PRMT9: variants seen among roughly 807,000 people sequenced by gnomAD.
PRMT9 encodes the protein protein arginine N-methyltransferase 9.
Under a neutral mutation model 83.2 loss-of-function variants are expected in PRMT9, and 59 were observed. That is an observed-to-expected ratio of 0.71 (90% CI 0.57 to 0.88). The LOEUF (loss-of-function observed/expected upper bound fraction) is 0.88. PRMT9 is among the 40% of genes least tolerant of loss of function. The pLI, the probability that PRMT9 is intolerant of heterozygous loss-of-function variation, is 0.00. For missense variants in PRMT9, 947 were observed against 1,021.9 expected (o/e 0.93, Z 1.00); for synonymous variants, 333 against 353.2 (o/e 0.94, Z 0.64).
At chr4:147,679,373 G>A (rs1218058368) in intron 2 of PRMT9, among the ~76,000 whole-genome samples, 1 of 152,026 alleles carries the variant, frequency 6.6e-6, no homozygotes, top group African/African-American at 2.4e-5. Context: ...CAGAGCCTGG[G>A]AGGTCAAGGT....
chr4:147,638,569 T>A lies in PRMT9; in HGVS notation c.2501A>T (p.His834Leu). The A allele has an allele frequency of 1.2e-6, 2 of 1,613,938 alleles. No homozygotes were observed. Among genetic ancestry groups the A allele is most frequent in the Non-Finnish European group, 1.7e-6 (2 of 1,179,872 alleles). Reference protein sequence around the residue: ...MGEELVLSIQHHKSNVSITVK... With the variant: ...MGEELVLSIQLHKSNVSITVK... Reference sequence around the variant, plus strand: ...TGTGATGCTGACATTGCTTTTGTGATGCTGAATGCTGAGTACAAGTTCCTC... The same window carrying A: ...TGTGATGCTGACATTGCTTTTGTGAAGCTGAATGCTGAGTACAAGTTCCTC... Residue 834 changes from histidine (H) to leucine (L), a missense_variant, in exon 12 of 12, where the codon CAT becomes CTT. By Grantham distance (99) the His-to-Leu change is moderately conservative (BLOSUM62 -3). Transcript: ENST00000322396.
chr4:147,668,387 G>A (rs1049479601), intron 6 of PRMT9, 152 bp downstream of exon 6: 8 of 651,592 alleles, frequency 1.2e-5, no homozygotes, highest in African/African-American at 8.9e-5. Flanking sequence ...TGCCATATAA[G>A]ACGTGCCTGC....
At chr4:147,653,800 A>T in intron 9 of PRMT9, 52 bp downstream of exon 9, 1 of 1,301,942 alleles carries the variant, frequency 7.7e-7, no homozygotes, top group African/African-American at 1.5e-5. Context: ...ATTTACATAA[A>T]ATCTGACCTC....
chr4:147,663,199 G>A (rs561900012), intron 6 of PRMT9, among the ~76,000 whole-genome samples: 14 of 151,638 alleles, frequency 9.2e-5, no homozygotes, highest in South Asian at 4.2e-4. Flanking sequence ...TAGTAGAGAC[G>A]GGGTTTCACC....
intron 7 of PRMT9, among the ~76,000 whole-genome samples, chr4:147,659,324 C>A (rs1397077806): frequency 6.6e-6 from 1 of 151,612 alleles, no homozygotes; most frequent in African/African-American, 2.4e-5. Context: ...TCACTTGAAC[C>A]CGAAAAGTGG....
intron 6 of PRMT9, among the ~76,000 whole-genome samples, chr4:147,667,408 A>C (rs1032760726): frequency 1.3e-5 from 2 of 152,224 alleles, no homozygotes; most frequent in Non-Finnish European, 2.9e-5. Context: ...AAATATATTT[A>C]CTGAGTTTTT....
At chr4:147,663,522 C>A (rs1007663909) in intron 6 of PRMT9, among the ~76,000 whole-genome samples, 1 of 152,014 alleles carries the variant, frequency 6.6e-6, no homozygotes, top group Non-Finnish European at 1.5e-5. Flanking sequence ...CATGCCACCA[C>A]GCCCAGCTAA....
chr4:147,647,921 C>G (rs1578882725), intron 9 of PRMT9, among the ~76,000 whole-genome samples: 1 of 152,242 alleles, frequency 6.6e-6, no homozygotes, highest in East Asian at 1.9e-4. Context: ...CCCACAATGT[C>G]CTCTTTGAGT....
intron 7 of PRMT9, among the ~76,000 whole-genome samples, chr4:147,659,865 G>A (rs1488700483): frequency 6.6e-6 from 1 of 152,114 alleles, no homozygotes; most frequent in African/African-American, 2.4e-5. Context: ...ACAGGCATGA[G>A]CCACCTCGCC....
At position 147,654,088 on chromosome 4, in the gene PRMT9, C is replaced by G. The variant is rs1301595220; in HGVS notation, c.1809G>C (p.Gln603His). 6.2e-7 allele frequency: 1 copy of G among 1,614,082 alleles called. No individual in the cohort carries two copies. The change falls in exon 9 of 12, where the codon CAG (glutamine) becomes CAC (histidine). Residue 603 changes from glutamine (Q) to histidine (H), a missense_variant. By Grantham distance (24) the Gln-to-His change is conservative. Coordinates refer to ENST00000322396, the MANE Select transcript of PRMT9 (RefSeq NM_138364.4). The part of the protein sequence containing the change: ...VLPVIAGTLG[Q>H]VKPYSSVEKD... ...TCTCCACAGAACTGTATGGTTTAAC[C>G]TGCCCAAGTGTGCCAGCAATAACAG...
intron 9 of PRMT9, among the ~76,000 whole-genome samples, chr4:147,651,060 G>A (rs753772398): frequency 1.5e-4 from 23 of 151,380 alleles, no homozygotes; most frequent in Non-Finnish European, 2.2e-4. Context: ...GTGAGATAGC[G>A]CCACTGCAGT....
intron 10 of PRMT9, among the ~76,000 whole-genome samples, chr4:147,640,159 G>A (rs1236341825): frequency 4.5e-5 from 6 of 131,908 alleles, no homozygotes; most frequent in East Asian, 5.1e-4. Flanking sequence ...TGCAACCTCC[G>A]CTTCCTGGGC....
intron 5 of PRMT9, 37 bp from the exon 6 acceptor site, chr4:147,668,682 G>T: frequency 2.5e-6 from 3 of 1,211,420 alleles, no homozygotes; most frequent in East Asian, 2.3e-5. Context: ...GTTATCACAT[G>T]TATGTAAAAA....
At chr4:147,650,384 G>A (rs1258143057) in intron 9 of PRMT9, among the ~76,000 whole-genome samples, 1 of 151,962 alleles carries the variant, frequency 6.6e-6, no homozygotes, top group Non-Finnish European at 1.5e-5. Flanking sequence ...TACTAGCAAA[G>A]GCTAAGCTAA....
intron 6 of PRMT9, among the ~76,000 whole-genome samples, chr4:147,663,285 G>A (rs939635411): frequency 6.6e-6 from 1 of 151,998 alleles, no homozygotes; most frequent in Non-Finnish European, 1.5e-5. Flanking sequence ...TGAGATTACA[G>A]GCATGAACCA....
At chr4:147,642,649 G>C in intron 10 of PRMT9, 138 bp downstream of exon 10, 1 of 763,924 alleles carries the variant, frequency 1.3e-6, no homozygotes, top group Admixed American at 2.1e-5. Flanking sequence ...ACTTATTATA[G>C]GTAAAAATCT....
In PRMT9 at chr4:147,684,144, C is replaced by A; in HGVS notation, c.-157G>T. The A allele has an allele frequency of 1.2e-6, 1 of 859,516 alleles. No individual in the cohort carries two copies. Among genetic ancestry groups the A allele is most frequent in the Non-Finnish European group, 1.8e-6 (1 of 542,698 alleles). 53.2% of individuals were successfully genotyped at this position (859,516 alleles called of 1,614,324 possible). ...GTGAACTCGCCAACCCCAGCCCAGGCGGAAGCTCCGCCCCGTCCTGGCCCC... is the reference window on the plus strand; with the variant it reads ...GTGAACTCGCCAACCCCAGCCCAGGAGGAAGCTCCGCCCCGTCCTGGCCCC... On this transcript the variant is annotated 5_prime_UTR_variant, in exon 1 of 12. Coordinates refer to ENST00000322396, the MANE Select transcript of PRMT9 (RefSeq NM_138364.4).
intron 2 of PRMT9, among the ~76,000 whole-genome samples, chr4:147,677,063 C>G (rs1040603548): frequency 6.9e-6 from 1 of 144,934 alleles, no homozygotes; most frequent in Non-Finnish European, 1.5e-5. Flanking sequence ...AAAAAAAAAA[C>G]TTAATATAAC....
At chr4:147,658,208 A>T (rs1734671527) in intron 7 of PRMT9, among the ~76,000 whole-genome samples, 1 of 151,926 alleles carries the variant, frequency 6.6e-6, no homozygotes, top group South Asian at 2.1e-4. Flanking sequence ...TATATTGCTG[A>T]TATGGAAAGA....
Sources: gnomAD v4.1 joint callset for allele counts (sites outside exome capture counted in the v4.1 genomes callset) on GRCh38, gnomAD v4.1.1 for gene constraint, MANE v1.5 for transcripts, NCBI Gene and HGNC (gene_info 2026-07-23, HGNC 2026-07-21) for gene names.